The following SERGEF variants were observed in gnomAD, a reference collection of about 807,000 sequenced individuals.
SERGEF encodes secretion-regulating guanine nucleotide exchange factor.
Under a neutral mutation model 50.0 loss-of-function variants are expected in SERGEF, and 51 were observed. That is an observed-to-expected ratio of 1.02 (90% CI 0.81 to 1.29). SERGEF has a LOEUF of 1.29. Among genes scored for constraint, SERGEF ranks in the 50% most tolerant of loss-of-function variants. The pLI, the probability that SERGEF is intolerant of heterozygous loss-of-function variation, is 0.00. For synonymous variants in SERGEF, 205 were observed against 212.4 expected (o/e 0.97, Z 0.30); for missense variants, 521 against 557.0 (o/e 0.94, Z 0.65).
intron 8 of SERGEF, among the ~76,000 whole-genome samples, chr11:17,980,529 A>C (rs1853476668): frequency 6.6e-6 from 1 of 152,196 alleles, no homozygotes; most frequent in Non-Finnish European, 1.5e-5. Flanking sequence ...ATAGAAAACA[A>C]ATTCACTCAT....
At chr11:17,824,128 C>T (rs1465241598) in intron 10 of SERGEF, among the ~76,000 whole-genome samples, 4 of 152,048 alleles carry the variant, frequency 2.6e-5, no homozygotes, top group African/African-American at 7.2e-5. Context: ...GGTGAAACCC[C>T]GTCTCTACTA....
intron 2 of SERGEF, 34 bp from the exon 3 acceptor site, chr11:18,006,780 A>G: frequency 6.2e-7 from 1 of 1,602,782 alleles, no homozygotes; most frequent in Non-Finnish European, 8.5e-7. Context: ...GATAGCGTGC[A>G]CAGGAAAAAA....
intron 8 of SERGEF, among the ~76,000 whole-genome samples, chr11:17,981,034 C>T (rs1215224391): frequency 2.0e-5 from 3 of 152,198 alleles, no homozygotes; most frequent in African/African-American, 7.2e-5. Flanking sequence ...ATGTGACCTT[C>T]CCAAAGCCCA....
rs548664187 is a variant in SERGEF at position 18,006,665 on chromosome 11, G to A, written c.278C>T (p.Thr93Ile). Residue 93 changes from threonine to isoleucine, a missense_variant, in exon 3 of 11, where the codon ACC (threonine) becomes ATC (isoleucine). Coordinates refer to ENST00000265965, the MANE Select transcript of SERGEF (RefSeq NM_012139.4). ...ACAGCCAAAGAGGGATTTGCAGGGGGTAAAATATGGGATATCCTCTGTGTG... is the reference window on the plus strand; with the variant it reads ...ACAGCCAAAGAGGGATTTGCAGGGGATAAAATATGGGATATCCTCTGTGTG... ...LGHTEDIPYF[T>I]PCKSLFGCPI... The A allele has an allele frequency of 2.5e-6, 4 of 1,614,026 alleles. No homozygotes were observed. In the African/African-American group the frequency reaches 5.3e-5, roughly 22 times the overall value.
At chr11:17,911,346 A>T (rs569692737) in intron 9 of SERGEF, among the ~76,000 whole-genome samples, 226 of 146,622 alleles carry the variant, frequency 1.5e-3, no homozygotes, top group African/African-American at 5.4e-3. Flanking sequence ...TATTATATAT[A>T]ATATATATAT....
At chr11:17,857,418 G>A (rs905854588) in intron 10 of SERGEF, among the ~76,000 whole-genome samples, 1 of 152,168 alleles carries the variant, frequency 6.6e-6, no homozygotes, top group Non-Finnish European at 1.5e-5. Flanking sequence ...CTGAAAAGCA[G>A]TCCCTCCCAG....
At chr11:18,010,047 A>T (rs1435917273) in intron 1 of SERGEF, 16 of 990,888 alleles carry the variant, frequency 1.6e-5, no homozygotes, top group Non-Finnish European at 2.2e-5. Context: ...AGATTTCAGA[A>T]ATCTTTATAA....
At chr11:17,952,635 A>T (rs1852792765) in intron 9 of SERGEF, among the ~76,000 whole-genome samples, 1 of 152,058 alleles carries the variant, frequency 6.6e-6, no homozygotes, top group African/African-American at 2.4e-5. Context: ...CAATCTCTCT[A>T]TTCAAGGTAC....
At chr11:17,965,926 C>T (rs539078057) in intron 8 of SERGEF, among the ~76,000 whole-genome samples, 8 of 152,334 alleles carry the variant, frequency 5.3e-5, no homozygotes, top group Admixed American at 5.2e-4. Context: ...TGCAAGGATA[C>T]TTTTCCATAA....
At chr11:17,810,683 T>G (rs992245046) in intron 10 of SERGEF, among the ~76,000 whole-genome samples, 1 of 152,154 alleles carries the variant, frequency 6.6e-6, no homozygotes, top group African/African-American at 2.4e-5. Context: ...CTTTTGTATC[T>G]CTTTATCCTC....
At chr11:17,825,394 T>G (rs1809384944) in intron 10 of SERGEF, among the ~76,000 whole-genome samples, 1 of 152,178 alleles carries the variant, frequency 6.6e-6, no homozygotes, top group African/African-American at 2.4e-5. Context: ...TGGCTTTAGC[T>G]TCCTAGCAAC....
chr11:17,922,094 G>A (rs1302539258), intron 9 of SERGEF, among the ~76,000 whole-genome samples: 3 of 152,174 alleles, frequency 2.0e-5, no homozygotes, highest in Non-Finnish European at 4.4e-5. Flanking sequence ...TGAAATCTAA[G>A]TTACCCAATG....
chr11:17,917,542 C>T lies in SERGEF; in HGVS notation c.1012-39298G>A, dbSNP rs144941633. 1.5e-3 allele frequency among the ~76,000 whole-genome samples: 226 copies of T among 152,204 alleles called. 2 individuals are homozygous for T. The East Asian group carries it at 0.035, about 23-fold the overall frequency. The stretch of plus-strand genomic sequence containing the variant: ...AACTTACTCATGTAACCAAATATCA[C>T]CTGTTCCCCAAAAATCTATGGAAAT... On this transcript the variant is annotated intron_variant, in intron 9 of 10. Coordinates refer to ENST00000265965, the MANE Select transcript of SERGEF (RefSeq NM_012139.4).
intron 7 of SERGEF, among the ~76,000 whole-genome samples, chr11:17,989,125 C>A (rs1260778338): frequency 6.6e-6 from 1 of 152,026 alleles, no homozygotes; most frequent in East Asian, 1.9e-4. Flanking sequence ...GAAAAAAATG[C>A]TTTAAATTTT....
At chr11:17,813,071 T>A (rs1255590902) in intron 10 of SERGEF, among the ~76,000 whole-genome samples, 5 of 152,190 alleles carry the variant, frequency 3.3e-5, no homozygotes, top group Non-Finnish European at 7.3e-5. Context: ...AGACTAAGGA[T>A]CCTGGATTCA....
chr11:17,902,561 C>T (rs1490934769), intron 9 of SERGEF, among the ~76,000 whole-genome samples: 1 of 152,124 alleles, frequency 6.6e-6, no homozygotes, highest in Non-Finnish European at 1.5e-5. Flanking sequence ...AACAGAAGAA[C>T]ACCCAGAAGA....
intron 10 of SERGEF, among the ~76,000 whole-genome samples, chr11:17,801,557 C>A (rs906997624): frequency 1.3e-5 from 2 of 152,122 alleles, no homozygotes; most frequent in Admixed American, 6.5e-5. Context: ...AAACTGATTC[C>A]TTGAGCAATG....
chr11:17,837,914 C>T (rs1414948597), intron 10 of SERGEF, among the ~76,000 whole-genome samples: 2 of 152,134 alleles, frequency 1.3e-5, no homozygotes, highest in African/African-American at 2.4e-5. Flanking sequence ...ATTCACCCGC[C>T]TCGGCCTCCC....
At chr11:17,800,729 G>A (rs61882400) in intron 10 of SERGEF, among the ~76,000 whole-genome samples, 1,828 of 152,274 alleles carry the variant, frequency 0.012, 15 homozygotes, top group South Asian at 0.031. Flanking sequence ...CCTGAGTTGC[G>A]ACCTGTAGGA....
Sources: allele counts gnomAD v4.1 joint callset (sites outside exome capture counted in the v4.1 genomes callset), GRCh38; gene constraint gnomAD v4.1.1; transcripts MANE v1.5; gene names NCBI Gene and HGNC (gene_info 2026-07-23, HGNC 2026-07-21).